DENND5B: variants seen among roughly 807,000 people sequenced by gnomAD.
DENND5B encodes DENN domain containing 5B, also known as DENN domain-containing protein 5B.
Under a neutral mutation model 140.6 loss-of-function variants are expected in DENND5B, and 34 were observed. The observed-to-expected ratio is 0.24, with a 90% CI of 0.18 to 0.32. The LOEUF (loss-of-function observed/expected upper bound fraction) is 0.32. Among genes scored for constraint, DENND5B ranks in the 10% least tolerant of loss-of-function variants. DENND5B has a pLI of 1.00. For synonymous variants in DENND5B, 551 were observed against 562.1 expected (o/e 0.98, Z 0.28); for missense variants, 1,142 against 1,560.2 (o/e 0.73, Z 4.52).
chr12:31,387,548 G>C lies in DENND5B; in HGVS notation c.*55C>G. The C allele has an allele frequency of 6.4e-7, 1 of 1,560,496 alleles. No individual in the cohort carries two copies. The highest frequency in any genetic ancestry group is 1.2e-5 in the South Asian group (1 of 84,258). On this transcript the variant is annotated 3_prime_UTR_variant, in exon 21 of 21. Coordinates refer to ENST00000389082, the MANE Select transcript of DENND5B (RefSeq NM_144973.4). The stretch of plus-strand genomic sequence containing the variant: ...ACTACTGTCAGACAAGTCCAAATCG[G>C]TCCCCTAGTTGGGGAAGGAGCAAGG...
intron 20 of DENND5B, among the ~76,000 whole-genome samples, chr12:31,388,915 T>C (rs1185020555): frequency 1.3e-5 from 2 of 152,234 alleles, no homozygotes; most frequent in African/African-American, 2.4e-5. Context: ...TATCTATCTG[T>C]CGAGCCAGTA....
intron 3 of DENND5B, among the ~76,000 whole-genome samples, chr12:31,472,358 C>T (rs369720478): frequency 5.0e-4 from 76 of 152,266 alleles, no homozygotes; most frequent in African/African-American, 1.7e-3. Context: ...GTGGCACGAC[C>T]TCGGCTCATT....
At chr12:31,444,915 G>T (rs1177129297) in intron 6 of DENND5B, among the ~76,000 whole-genome samples, 1 of 152,144 alleles carries the variant, frequency 6.6e-6, no homozygotes, top group Non-Finnish European at 1.5e-5. Flanking sequence ...TGTTTCTATG[G>T]TTACATAAAA....
intron 8 of DENND5B, 27 bp from the exon 9 acceptor site, chr12:31,426,451 G>A (rs777339284): frequency 6.3e-7 from 1 of 1,596,812 alleles, no homozygotes; most frequent in Admixed American, 1.8e-5. Context: ...TATTTTTAAT[G>A]CGTAAACATT....
intron 1 of DENND5B, among the ~76,000 whole-genome samples, chr12:31,545,950 C>CAAGAAA (rs1948840907): frequency 2.7e-5 from 1 of 36,384 alleles, no homozygotes. Context: ...GACACTGTCT[C>CAAGAAA]AAAAAAAAAA....
chr12:31,587,210 A>T lies in DENND5B; in HGVS notation c.127+3496T>A, dbSNP rs544387492. 2.0e-5 allele frequency among the ~76,000 whole-genome samples: 3 copies of T among 152,262 alleles called. No homozygotes were observed. The South Asian group carries it at 6.2e-4, about 32-fold the overall frequency. ...TACAGTCCAGATCTTCCCCCAAGAG[A>T]TGTCTTGTCTATGTGACATCTCCAT... On this transcript the variant is annotated intron_variant, in intron 1 of 20. Coordinates refer to ENST00000389082, the MANE Select transcript of DENND5B (RefSeq NM_144973.4).
At chr12:31,588,065 G>C (rs923546539) in intron 1 of DENND5B, among the ~76,000 whole-genome samples, 1 of 152,042 alleles carries the variant, frequency 6.6e-6, no homozygotes, top group Admixed American at 6.6e-5. Flanking sequence ...CTTTCTCTTT[G>C]ATCTTACCTA....
intron 1 of DENND5B, among the ~76,000 whole-genome samples, chr12:31,556,212 TTTC>T (rs1326884019): frequency 1.3e-5 from 2 of 152,154 alleles, no homozygotes; most frequent in Non-Finnish European, 2.9e-5. Context: ...CCCCCTTTTT[TTTC>T]TTTTTTTAAG....
chr12:31,491,627 G>A (rs947264295), intron 2 of DENND5B, among the ~76,000 whole-genome samples: 1 of 152,118 alleles, frequency 6.6e-6, no homozygotes, highest in African/African-American at 2.4e-5. Context: ...TTAGTTCTAG[G>A]TGATTAATAC....
intron 11 of DENND5B, 146 bp downstream of exon 11, chr12:31,423,447 TAGTA>T (rs1166654501): frequency 1.1e-5 from 8 of 716,074 alleles, no homozygotes; most frequent in East Asian, 1.1e-4. Context: ...GTCTCACAGT[TAGTA>T]AGTAATATTG....
intron 1 of DENND5B, among the ~76,000 whole-genome samples, chr12:31,587,707 G>A (rs71445807): frequency 1.3e-5 from 2 of 151,798 alleles, no homozygotes; most frequent in African/African-American, 2.4e-5. Flanking sequence ...GTGCCACCAC[G>A]CCCAGCTTTT....
Position 31,574,069 on chromosome 12 carries a change from G to C in DENND5B, c.127+16637C>G, listed in dbSNP as rs568723552. Among the ~76,000 whole-genome samples the C allele has an allele frequency of 1.3e-4, 19 of 151,430 alleles. No homozygotes were observed. The South Asian group carries it at 4.0e-3, about 32-fold the overall frequency. On this transcript the variant is annotated intron_variant, in intron 1 of 20. Coordinates refer to ENST00000389082, the MANE Select transcript of DENND5B (RefSeq NM_144973.4). Reference sequence around the variant, plus strand: ...GGCAAGGACCATTTGAGACTAGCCTGGACAACACGGTGAGATCTTGTCTCT... The same window carrying C: ...GGCAAGGACCATTTGAGACTAGCCTCGACAACACGGTGAGATCTTGTCTCT...
At chr12:31,388,049 C>T (rs1012579392) in intron 20 of DENND5B, among the ~76,000 whole-genome samples, 1 of 152,002 alleles carries the variant, frequency 6.6e-6, no homozygotes, top group Non-Finnish European at 1.5e-5. Context: ...GTTTAAAGTA[C>T]ATTAGAAAGT....
intron 11 of DENND5B, among the ~76,000 whole-genome samples, chr12:31,416,938 T>A (rs1391377299): frequency 7.7e-5 from 9 of 116,714 alleles, no homozygotes; most frequent in East Asian, 4.7e-4. Context: ...TTTTTTTTTT[T>A]AAATCAGCTG....
chr12:31,409,772 C>A (rs570959965), intron 13 of DENND5B, among the ~76,000 whole-genome samples: 1 of 152,150 alleles, frequency 6.6e-6, no homozygotes, highest in East Asian at 1.9e-4. Flanking sequence ...AGCCACCATG[C>A]CCGGCCATTT....
In DENND5B at chr12:31,452,334, T is replaced by A; in HGVS notation, c.1235A>T (p.His412Leu). 1.2e-6 allele frequency: 2 copies of A among 1,613,982 alleles called. No individual in the cohort carries two copies. Residue 412 changes from histidine (H) to leucine (L), a missense_variant, in exon 5 of 21, where the codon CAT becomes CTT. This residue lies in a region of DENND5B where 708 missense variants were observed against 905.5 expected (regional missense o/e 0.78). Transcript: ENST00000389082. ...QFGIPPEGSL[H>L]CSESTSKLKN... ...CAGTTTGCTGGTACTCTCACTGCAA[T>A]GTAGGCTGCCCTCAGGAGGGATCCC...
Position 31,398,230 on chromosome 12 carries a change from C to T in DENND5B, c.3201G>A (p.Lys1067=). 1 of 1,605,196 alleles carries T rather than the reference C, an allele frequency of 6.2e-7. No homozygotes were observed. ...VKQCRTPPQQ[K]SPTTARRLSI... Reference sequence around the variant, plus strand: ...TCAATCTCCTAGCCGTGGTGGGTGACTTCTGCTGGGGTGGAGTCCGACACT... The same window carrying T: ...TCAATCTCCTAGCCGTGGTGGGTGATTTCTGCTGGGGTGGAGTCCGACACT... Residue 1067 remains lysine, a synonymous_variant, in exon 17 of 21, where the codon AAG becomes AAA. Coordinates refer to ENST00000389082, the MANE Select transcript of DENND5B (RefSeq NM_144973.4).
At chr12:31,557,092 A>C (rs1232070916) in intron 1 of DENND5B, among the ~76,000 whole-genome samples, 1 of 152,242 alleles carries the variant, frequency 6.6e-6, no homozygotes, top group East Asian at 1.9e-4. Flanking sequence ...AATTATCTCC[A>C]CAATATATCA....
chr12:31,528,343 TTTGCCTC>T, intron 1 of DENND5B, among the ~76,000 whole-genome samples: 1 of 152,334 alleles, frequency 6.6e-6, no homozygotes, highest in East Asian at 1.9e-4. Flanking sequence ...CAAACTTCCC[TTTGCCTC>T]TCTCTAGAAG....
Sources: gnomAD v4.1 joint callset for allele counts (sites outside exome capture counted in the v4.1 genomes callset) on GRCh38, gnomAD v4.1.1 for gene constraint, gnomAD v4.1.1 regional missense constraint, MANE v1.5 for transcripts, NCBI Gene and HGNC (gene_info 2026-07-23, HGNC 2026-07-21) for gene names.